AFDN: variants seen among roughly 807,000 people sequenced by gnomAD.
The protein encoded by AFDN is afadin, adherens junction formation factor, also known as afadin.
AFDN carries 68 observed loss-of-function variants against 216.6 expected under a neutral mutation model. That is an observed-to-expected ratio of 0.31 (90% CI 0.26 to 0.38). The LOEUF (loss-of-function observed/expected upper bound fraction) is 0.38, where lower values mean the gene tolerates loss of function less well. AFDN is among the 10% of genes least tolerant of loss of function. The probability of loss-of-function intolerance (pLI) is 1.00; values close to 1 mark genes in which losing one functional copy is unlikely to be tolerated. For missense variants in AFDN, 2,136 were observed against 2,342.0 expected (o/e 0.91, Z 1.82); for synonymous variants, 868 against 853.7 (o/e 1.02, Z -0.29).
chr6:167,914,521 T>C, intron 17 of AFDN, 123 bp from the exon 18 acceptor site: 1 of 911,400 alleles, frequency 1.1e-6, no homozygotes, highest in Admixed American at 2.8e-5. Flanking sequence ...TGTTTCAAGA[T>C]TCCACATTTT....
At chr6:167,924,923 A>T in intron 22 of AFDN, 82 bp from the exon 23 acceptor site, 2 of 975,910 alleles carry the variant, frequency 2.0e-6, no homozygotes, top group East Asian at 4.8e-5. Context: ...AGTGAACATG[A>T]TTGACTAGAT....
intron 1 of AFDN, among the ~76,000 whole-genome samples, chr6:167,837,264 A>T (rs1780549957): frequency 6.6e-6 from 1 of 152,168 alleles, no homozygotes; most frequent in South Asian, 2.1e-4. Context: ...TTTAAAAAAT[A>T]TTTGCTTCTT....
At chr6:167,925,662 T>C (rs1235067687) in intron 23 of AFDN, among the ~76,000 whole-genome samples, 1 of 152,202 alleles carries the variant, frequency 6.6e-6, no homozygotes, top group African/African-American at 2.4e-5. Flanking sequence ...CTGGAATTCT[T>C]GGGGTTTGAA....
In AFDN at chr6:167,951,482, G is replaced by A. The variant is rs758306011; in HGVS notation, c.4128G>A (p.Pro1376=). Residue 1376 remains proline, a synonymous_variant, in exon 30 of 34, where the codon CCG becomes CCA. Coordinates refer to ENST00000683244, the MANE Select transcript of AFDN (RefSeq NM_001386888.1). The surrounding 1 kb of genome is among the most constrained non-coding windows in gnomAD (Gnocchi z 7.1). ...GAACAGACCTGCCTCCGCCACCCCC[G>A]CCACCTCCAGTCCACTATGCCGGTG... ...PIRTDLPPPP[P]PPPVHYAGDF... 2.5e-6 allele frequency: 4 copies of A among 1,612,576 alleles called. No homozygotes were observed. Among genetic ancestry groups the A allele is most frequent in the East Asian group, 2.2e-5 (1 of 44,842 alleles).
Position 167,917,231 on chromosome 6 carries a change from C to T in AFDN, c.2708C>T (p.Thr903Met), listed in dbSNP as rs752440827. 1.8e-5 allele frequency: 29 copies of T among 1,586,272 alleles called. No homozygotes were observed. Among genetic ancestry groups the T allele is most frequent in the Non-Finnish European group, 2.2e-5 (26 of 1,170,018 alleles). ...HCAPDEPFIP[T>M]DLIENVVTVA... ...GCACCTGATGAGCCTTTTATCCCAA[C>T]GGTGAGTGGATGTTGCCACATTACC... The change falls in exon 20 of 34, where the codon ACG becomes ATG. Residue 903 changes from threonine (T) to methionine (M), a missense_variant and splice_region_variant. This residue lies in a region of AFDN where 162 missense variants were observed against 182.6 expected (regional missense o/e 0.89). Transcript: ENST00000683244.
At chr6:167,890,246 G>A (rs1787396718) in intron 7 of AFDN, among the ~76,000 whole-genome samples, 1 of 152,082 alleles carries the variant, frequency 6.6e-6, no homozygotes, top group Non-Finnish European at 1.5e-5. Flanking sequence ...CACTTGTTTA[G>A]TATTTTTTAA....
At chr6:167,903,858 C>G (rs1789304398) in intron 12 of AFDN, among the ~76,000 whole-genome samples, 1 of 152,190 alleles carries the variant, frequency 6.6e-6, no homozygotes, top group African/African-American at 2.4e-5. Context: ...CTCCCAGGTC[C>G]CAAATCTGGC....
chr6:167,859,794 T>C (rs1583185875), intron 1 of AFDN, among the ~76,000 whole-genome samples: 1 of 151,506 alleles, frequency 6.6e-6, no homozygotes, highest in Non-Finnish European at 1.5e-5. Flanking sequence ...TTTTTTTTTT[T>C]AGTTTTGGAT....
intron 30 of AFDN, among the ~76,000 whole-genome samples, chr6:167,956,084 C>T (rs1172062665): frequency 7.5e-6 from 1 of 132,742 alleles, no homozygotes; most frequent in African/African-American, 2.9e-5. Flanking sequence ...CACTGCACTC[C>T]AGCCTGGGGA....
intron 19 of AFDN, among the ~76,000 whole-genome samples, chr6:167,916,867 ATAAAAT>A (rs1342610110): frequency 6.6e-6 from 1 of 152,196 alleles, no homozygotes; most frequent in Non-Finnish European, 1.5e-5. Context: ...CATGCACGTC[ATAAAAT>A]TAAGAGGGCA....
At chr6:167,903,228 T>G (rs998723828) in intron 12 of AFDN, among the ~76,000 whole-genome samples, 5 of 152,258 alleles carry the variant, frequency 3.3e-5, no homozygotes, top group Non-Finnish European at 5.9e-5. Context: ...TGTTTACCAT[T>G]GTGCAATCTG....
At position 167,951,260 on chromosome 6, in the gene AFDN, T is replaced by G. The variant is rs1455732330; in HGVS notation, c.3906T>G (p.Ala1302=). ...YQLERHRIEA[A]MDRKSDSDMW... Reference sequence around the variant, plus strand: ...TTGAGCGGCATCGAATAGAGGCAGCTATGGACCGAAAGTCTGATAGTGATA... The same window carrying G: ...TTGAGCGGCATCGAATAGAGGCAGCGATGGACCGAAAGTCTGATAGTGATA... The change falls in exon 30 of 34, where the codon GCT becomes GCG. Residue 1302 remains alanine, a synonymous_variant. Coordinates refer to ENST00000683244, the MANE Select transcript of AFDN (RefSeq NM_001386888.1). This position sits in a 1 kb window ranked among gnomAD's most constrained non-coding sequence, Gnocchi z 7.1. 2 of 1,613,414 alleles carry G rather than the reference T, an allele frequency of 1.2e-6. No homozygotes were observed. The highest frequency in any genetic ancestry group is 3.3e-5 in the Admixed American group (2 of 59,894).
At chr6:167,868,159 G>A (rs1284177014) in intron 2 of AFDN, among the ~76,000 whole-genome samples, 3 of 152,086 alleles carry the variant, frequency 2.0e-5, no homozygotes, top group Admixed American at 6.5e-5. Flanking sequence ...GCCTCATCTA[G>A]TGTTTTTATT....
At chr6:167,941,681 A>G (rs1195262681) in intron 23 of AFDN, among the ~76,000 whole-genome samples, 2 of 51,178 alleles carry the variant, frequency 3.9e-5, no homozygotes, top group African/African-American at 1.9e-4. Flanking sequence ...CATCCACAGG[A>G]GAGATGTGTG....
chr6:167,856,871 T>C (rs1415201492), intron 1 of AFDN, among the ~76,000 whole-genome samples: 1 of 152,118 alleles, frequency 6.6e-6, no homozygotes, highest in African/African-American at 2.4e-5. Flanking sequence ...GGAAATTGGG[T>C]GCATAAAAAG....
chr6:167,845,627 C>T (rs1379299171), intron 1 of AFDN, among the ~76,000 whole-genome samples: 5 of 152,142 alleles, frequency 3.3e-5, no homozygotes, highest in South Asian at 4.1e-4. Flanking sequence ...CCGTCTGCCT[C>T]GGCTTCCCAA....
At chr6:167,890,779 A>T (rs1435536398) in intron 7 of AFDN, 83 bp from the exon 8 acceptor site, 3 of 1,333,388 alleles carry the variant, frequency 2.2e-6, no homozygotes, top group Non-Finnish European at 3.1e-6. Flanking sequence ...TTTTTGAGAA[A>T]GTTTTGCACA....
chr6:167,883,762 C>T (rs765236335), intron 6 of AFDN, among the ~76,000 whole-genome samples: 2 of 152,124 alleles, frequency 1.3e-5, no homozygotes, highest in South Asian at 2.1e-4. Context: ...CAGGGGCTTG[C>T]GTGGATGTTG....
intron 9 of AFDN, among the ~76,000 whole-genome samples, chr6:167,895,968 AT>A (rs1053724760): frequency 3.3e-5 from 5 of 152,270 alleles, no homozygotes; most frequent in African/African-American, 1.2e-4. Context: ...TTACATCATC[AT>A]TCATGGGTTC....
Sources: allele counts gnomAD v4.1 joint callset (sites outside exome capture counted in the v4.1 genomes callset), GRCh38; gene constraint gnomAD v4.1.1; regional missense constraint gnomAD v4.1.1; non-coding constraint Gnocchi (gnomAD v3.1); transcripts MANE v1.5; gene names NCBI Gene and HGNC (gene_info 2026-07-23, HGNC 2026-07-21).